OPCML: variants seen among roughly 807,000 people sequenced by gnomAD.
OPCML encodes opioid-binding protein/cell adhesion molecule.
Under a neutral mutation model 37.8 loss-of-function variants are expected in OPCML, and 13 were observed. The observed-to-expected ratio is 0.34, with a 90% CI of 0.22 to 0.55. The LOEUF (loss-of-function observed/expected upper bound fraction) is 0.55, where lower values mean the gene tolerates loss of function less well. OPCML is among the 20% of genes least tolerant of loss of function. OPCML has a pLI of 0.91. For synonymous variants in OPCML, 176 were observed against 168.8 expected, an observed-to-expected ratio of 1.04 and a Z score of -0.33; for missense variants, 341 against 435.6, an observed-to-expected ratio of 0.78 and a Z score of 1.93.
intron 1 of OPCML, among the ~76,000 whole-genome samples, chr11:133,283,705 G>A (rs549136736): frequency 6.6e-6 from 1 of 152,282 alleles, no homozygotes; most frequent in African/African-American, 2.4e-5. Flanking sequence ...AAACCACAAG[G>A]TAACTCCACC....
At chr11:132,649,278 C>CT (rs1485681333) in intron 3 of OPCML, among the ~76,000 whole-genome samples, 1 of 151,412 alleles carries the variant, frequency 6.6e-6, no homozygotes, top group Non-Finnish European at 1.5e-5. Context: ...GTTTTTTTTT[C>CT]TTTTTTTATA....
intron 2 of OPCML, among the ~76,000 whole-genome samples, chr11:132,811,397 C>G (rs551685001): frequency 1.1e-4 from 17 of 152,098 alleles, no homozygotes; most frequent in Non-Finnish European, 2.4e-4. Context: ...ATAACTCAAT[C>G]AATAATTATT....
At chr11:133,140,972 A>G (rs1438916899) in intron 1 of OPCML, among the ~76,000 whole-genome samples, 7 of 3,194 alleles carry the variant, frequency 2.2e-3, no homozygotes, top group Non-Finnish European at 4.2e-3. Flanking sequence ...GAAGAAGAAG[A>G]AGAAGAAGAA....
At chr11:133,240,034 A>G (rs1730660191) in intron 1 of OPCML, among the ~76,000 whole-genome samples, 2 of 152,108 alleles carry the variant, frequency 1.3e-5, no homozygotes, top group Admixed American at 6.5e-5. Flanking sequence ...GGAAATGATG[A>G]GATTCCAATT....
At position 132,686,425 on chromosome 11, in the gene OPCML, AACTG is replaced by A. The variant is rs1355492770; in HGVS notation, c.147-29110_147-29107del. On this transcript the variant is annotated intron_variant, in intron 2 of 7. Transcript: ENST00000524381. The stretch of plus-strand genomic sequence containing the variant: ...TGGAGAACTCACTGCAGTCTACAGA[AACTG>A]ACTGTATATTAACTTGCAAATAATG... 2.0e-5 allele frequency among the ~76,000 whole-genome samples: 3 copies of A among 152,250 alleles called. No individual in the cohort carries two copies. The East Asian group carries it at 5.8e-4, about 29-fold the overall frequency.
At chr11:132,702,574 A>T (rs889306507) in intron 2 of OPCML, among the ~76,000 whole-genome samples, 2 of 152,112 alleles carry the variant, frequency 1.3e-5, no homozygotes, top group Non-Finnish European at 2.9e-5. Context: ...GAGTTCTTTC[A>T]TCTTCATGGA....
chr11:133,409,374 A>G (rs1945596372), intron 1 of OPCML, among the ~76,000 whole-genome samples: 1 of 152,184 alleles, frequency 6.6e-6, no homozygotes, highest in Non-Finnish European at 1.5e-5. Context: ...GTTAGAGGAA[A>G]ATTTAGAAAA....
At chr11:132,523,242 T>C (rs570170789) in intron 4 of OPCML, among the ~76,000 whole-genome samples, 1 of 152,248 alleles carries the variant, frequency 6.6e-6, no homozygotes. Flanking sequence ...TCTACCAGAG[T>C]GACTAGAAGA....
chr11:133,444,583 C>G (rs75307572), intron 1 of OPCML, among the ~76,000 whole-genome samples: 5,021 of 151,992 alleles, frequency 0.033, 207 homozygotes, highest in African/African-American at 0.099. Context: ...TTGCTTTGGA[C>G]AAGAAAAATT....
intron 1 of OPCML, among the ~76,000 whole-genome samples, chr11:133,470,542 A>G (rs1947082509): frequency 6.6e-6 from 1 of 152,170 alleles, no homozygotes; most frequent in Admixed American, 6.5e-5. Context: ...GAAAGCTGGC[A>G]AAGTGTGATG....
In OPCML at chr11:132,754,372, T is replaced by G. The variant is rs76699901; in HGVS notation, c.147-97053A>C. 3.9e-3 allele frequency among the ~76,000 whole-genome samples: 594 copies of G among 152,142 alleles called. 5 individuals carry two copies. Among genetic ancestry groups the G allele is most frequent in the African/African-American group, 0.014 (567 of 41,492 alleles). ...GAATAAGTCTCACAAGATCTGACGGTTTTTAAAAGAGGAGCTCCCCTGCAG... is the reference window on the plus strand; with the variant it reads ...GAATAAGTCTCACAAGATCTGACGGGTTTTAAAAGAGGAGCTCCCCTGCAG... On this transcript the variant is annotated intron_variant, in intron 2 of 7. Transcript: ENST00000524381.
intron 4 of OPCML, among the ~76,000 whole-genome samples, chr11:132,528,183 G>A (rs1314500419): frequency 6.6e-6 from 1 of 152,018 alleles, no homozygotes; most frequent in Non-Finnish European, 1.5e-5. Flanking sequence ...TCTTGTCCTG[G>A]CAAAGCTTTG....
chr11:133,295,326 C>T (rs1006539085), intron 1 of OPCML, among the ~76,000 whole-genome samples: 3 of 152,118 alleles, frequency 2.0e-5, no homozygotes, highest in Non-Finnish European at 2.9e-5. Context: ...AGTGGTAAAA[C>T]TAGGCATTCC....
At chr11:132,484,867 A>G (rs1217522707) in intron 4 of OPCML, among the ~76,000 whole-genome samples, 3 of 152,218 alleles carry the variant, frequency 2.0e-5, no homozygotes, top group Non-Finnish European at 4.4e-5. Context: ...GAATTGAACA[A>G]TGAGAACACA....
In OPCML at chr11:132,417,094, C is replaced by T. The variant is rs1037701127; in HGVS notation, c.*3099G>A. ...CCTGCAAGAGATGTACTTGCTCAGA[C>T]TTGTATGTTTTGTCCTGCCTTGCCC... is the stretch of plus-strand genomic sequence containing the variant. On this transcript the variant is annotated 3_prime_UTR_variant, in exon 8 of 8. Coordinates refer to ENST00000524381, the MANE Select transcript of OPCML (RefSeq NM_001012393.5). The T allele has an allele frequency of 6.6e-6, 1 of 152,656 alleles. No homozygotes were observed. The highest frequency in any genetic ancestry group is 1.5e-5 in the Non-Finnish European group (1 of 68,084). 9.5% of individuals were successfully genotyped at this position (152,656 alleles called of 1,614,324 possible). A position where few individuals can be genotyped will look rare whatever the true frequency, so the allele number is the denominator to read the frequency against.
At chr11:133,307,922 C>A (rs1165729941) in intron 1 of OPCML, among the ~76,000 whole-genome samples, 1 of 151,690 alleles carries the variant, frequency 6.6e-6, no homozygotes, top group Non-Finnish European at 1.5e-5. Flanking sequence ...TTTTATTAAT[C>A]AAAAGTTGTA....
intron 2 of OPCML, among the ~76,000 whole-genome samples, chr11:132,850,295 C>A (rs754196076): frequency 6.6e-6 from 1 of 152,136 alleles, no homozygotes; most frequent in Non-Finnish European, 1.5e-5. Context: ...ACCAATCAGG[C>A]GCCATGTAAC....
intron 1 of OPCML, among the ~76,000 whole-genome samples, chr11:133,437,653 C>T (rs1244031042): frequency 6.8e-6 from 1 of 146,406 alleles, no homozygotes; most frequent in Non-Finnish European, 1.5e-5. Flanking sequence ...CAACCCCGCT[C>T]ACCTCTCCCC....
intron 1 of OPCML, among the ~76,000 whole-genome samples, chr11:133,520,083 C>T (rs1259257152): frequency 2.0e-5 from 3 of 152,176 alleles, no homozygotes; most frequent in African/African-American, 7.2e-5. Flanking sequence ...AGCTCTCCAC[C>T]CCACCCCAGG....
Sources: allele counts gnomAD v4.1 joint callset (sites outside exome capture counted in the v4.1 genomes callset), GRCh38; gene constraint gnomAD v4.1.1; transcripts MANE v1.5; gene names NCBI Gene and HGNC (gene_info 2026-07-23, HGNC 2026-07-21).